KLHL2: variants seen among roughly 807,000 people sequenced by gnomAD.
KLHL2 encodes the protein kelch like family member 2, also known as kelch-like protein 2.
In KLHL2, 15 loss-of-function variants were observed where a neutral mutation model predicts 75.8. The observed-to-expected ratio is 0.20, with a 90% CI of 0.13 to 0.30. The LOEUF (loss-of-function observed/expected upper bound fraction) is 0.30, where lower values mean the gene tolerates loss of function less well. Among genes scored for constraint, KLHL2 ranks in the 10% least tolerant of loss-of-function variants. The pLI, the probability that KLHL2 is intolerant of heterozygous loss-of-function variation, is 1.00. For missense variants in KLHL2, 381 were observed against 741.0 expected (o/e 0.51, Z 5.64); for synonymous variants, 214 against 251.9 (o/e 0.85, Z 1.42).
At chr4:165,313,525 G>A (rs1269634454) in intron 12 of KLHL2, among the ~76,000 whole-genome samples, 159 bp downstream of exon 12, 1 of 152,172 alleles carries the variant, frequency 6.6e-6, no homozygotes, top group Non-Finnish European at 1.5e-5. Flanking sequence ...GGTAATGGGA[G>A]TAATTACAAA....
intron 1 of KLHL2, among the ~76,000 whole-genome samples, chr4:165,210,821 A>G (rs577872643): frequency 6.6e-6 from 1 of 152,338 alleles, no homozygotes; most frequent in Admixed American, 6.5e-5. Context: ...TAATAAGTTG[A>G]AGGAAGACTG....
At chr4:165,241,163 T>C (rs1308000050) in intron 4 of KLHL2, among the ~76,000 whole-genome samples, 1 of 152,232 alleles carries the variant, frequency 6.6e-6, no homozygotes. Flanking sequence ...CATAGGGCTA[T>C]CATGATTTGT....
intron 5 of KLHL2, chr4:165,279,431 C>T (rs1743464537): frequency 1.2e-6 from 2 of 1,601,786 alleles, no homozygotes; most frequent in South Asian, 1.1e-5. Context: ...AAGTTTCTCA[C>T]ATGTTTTCTC....
At chr4:165,268,067 C>A (rs1316598805) in intron 5 of KLHL2, among the ~76,000 whole-genome samples, 24 of 152,132 alleles carry the variant, frequency 1.6e-4, no homozygotes, top group Admixed American at 4.6e-4. Context: ...GGAATTTATC[C>A]ATTTCTTCTA....
At chr4:165,221,631 G>A (rs6830714) in intron 2 of KLHL2, among the ~76,000 whole-genome samples, 68,605 of 151,950 alleles carry the variant, frequency 0.45, 16,893 homozygotes, top group African/African-American at 0.65. Flanking sequence ...AGTGTTAAGC[G>A]GGAATGTGAC....
At chr4:165,311,593 A>T in intron 11 of KLHL2, 28 bp downstream of exon 11, 1 of 1,521,020 alleles carries the variant, frequency 6.6e-7, no homozygotes, top group Non-Finnish European at 9.1e-7. Context: ...TTTCAGGTAC[A>T]TGTGGCATTT....
At chr4:165,297,171 T>C (rs1041062555) in intron 6 of KLHL2, among the ~76,000 whole-genome samples, 1 of 152,182 alleles carries the variant, frequency 6.6e-6, no homozygotes, top group African/African-American at 2.4e-5. Flanking sequence ...CTCACAATTA[T>C]GTATTGTAAA....
At chr4:165,282,184 C>CT (rs1229964526) in intron 5 of KLHL2, among the ~76,000 whole-genome samples, 1 of 152,150 alleles carries the variant, frequency 6.6e-6, no homozygotes, top group Non-Finnish European at 1.5e-5. Flanking sequence ...AGATTAAACT[C>CT]TGAGATGACC....
At chr4:165,227,642 G>A (rs1360384257) in intron 2 of KLHL2, among the ~76,000 whole-genome samples, 1 of 152,174 alleles carries the variant, frequency 6.6e-6, no homozygotes, top group Non-Finnish European at 1.5e-5. Flanking sequence ...ACCTGTTTCA[G>A]TCATTCATAG....
intron 4 of KLHL2, among the ~76,000 whole-genome samples, chr4:165,239,773 C>T (rs551553574): frequency 1.3e-5 from 2 of 152,210 alleles, no homozygotes; most frequent in Non-Finnish European, 2.9e-5. Context: ...AGTCCACATA[C>T]ATTGATTCAC....
At chr4:165,220,687 C>T (rs1737912810) in intron 2 of KLHL2, among the ~76,000 whole-genome samples, 1 of 152,070 alleles carries the variant, frequency 6.6e-6, no homozygotes, top group African/African-American at 2.4e-5. Context: ...CAGTGCTGGT[C>T]TAGGGCTTCT....
chr4:165,267,974 T>C (rs1708734464), intron 5 of KLHL2, among the ~76,000 whole-genome samples: 1 of 152,222 alleles, frequency 6.6e-6, no homozygotes, highest in African/African-American at 2.4e-5. Flanking sequence ...TATTAATGAT[T>C]GCCTCAATTT....
At chr4:165,277,773 A>G in intron 5 of KLHL2, 2 of 614,730 alleles carry the variant, frequency 3.3e-6, no homozygotes, top group South Asian at 1.9e-5. Flanking sequence ...ACACACACAC[A>G]CACACACACA....
At chr4:165,259,559 A>T (rs1351119659) in intron 4 of KLHL2, among the ~76,000 whole-genome samples, 9 of 152,152 alleles carry the variant, frequency 5.9e-5, no homozygotes, top group Admixed American at 5.9e-4. Flanking sequence ...AACTTCTCCT[A>T]CCCTCTGTAT....
At chr4:165,279,687 T>G (rs1317041988) in intron 5 of KLHL2, 1 of 1,545,284 alleles carries the variant, frequency 6.5e-7, no homozygotes, top group Non-Finnish European at 9.0e-7. Flanking sequence ...GCCGGTTTCC[T>G]GGGTGACGGC....
chr4:165,305,510 C>T (rs1745663001), intron 8 of KLHL2, 98 bp from the exon 9 acceptor site: 1 of 962,424 alleles, frequency 1.0e-6, no homozygotes, highest in Non-Finnish European at 1.7e-6. Flanking sequence ...CTATCATCTT[C>T]ATCCTAACAC....
At chr4:165,223,521 A>G (rs1738175492) in intron 2 of KLHL2, among the ~76,000 whole-genome samples, 2 of 152,224 alleles carry the variant, frequency 1.3e-5, no homozygotes, top group African/African-American at 4.8e-5. Context: ...CATCTGTTGG[A>G]TAAAGTGAAT....
intron 4 of KLHL2, among the ~76,000 whole-genome samples, chr4:165,242,932 T>C (rs1427335433): frequency 6.6e-6 from 1 of 152,232 alleles, no homozygotes; most frequent in Non-Finnish European, 1.5e-5. Context: ...TGTAGCTCAT[T>C]TGATGTTTTT....
chr4:165,248,269 G>T (rs1259635375), intron 4 of KLHL2, among the ~76,000 whole-genome samples: 1 of 152,154 alleles, frequency 6.6e-6, no homozygotes, highest in Admixed American at 6.5e-5. Flanking sequence ...CAGCAGTTGT[G>T]GTGGAGAGAA....
Sources: allele counts gnomAD v4.1 joint callset (sites outside exome capture counted in the v4.1 genomes callset), GRCh38; gene constraint gnomAD v4.1.1; transcripts MANE v1.5; gene names NCBI Gene and HGNC (gene_info 2026-07-23, HGNC 2026-07-21).